Variants in SNTN observed in about 807,000 individuals in gnomAD.
The protein encoded by SNTN is sentan.
In SNTN, 13 loss-of-function variants were observed where a neutral mutation model predicts 12.3. The ratio of observed to expected loss-of-function variants is 1.05; its 90% confidence interval spans 0.69 to 1.67. The LOEUF (loss-of-function observed/expected upper bound fraction) is 1.67. SNTN is among the 40% of genes most tolerant of loss of function. The pLI is 0.00. For synonymous variants in SNTN, 69 were observed against 58.5 expected, an observed-to-expected ratio of 1.18 and a Z score of -0.82; for missense variants, 189 against 169.8, an observed-to-expected ratio of 1.11 and a Z score of -0.63.
intron 3 of SNTN, among the ~76,000 whole-genome samples, chr3:63,663,306 T>A (rs1700761769): frequency 6.6e-6 from 1 of 152,226 alleles, no homozygotes; most frequent in Non-Finnish European, 1.5e-5. Flanking sequence ...AGGATGAGGA[T>A]AATAGTGGTA....
chr3:63,663,913 G>C, intron 3 of SNTN, 24 bp from the exon 4 acceptor site: 1 of 1,606,482 alleles, frequency 6.2e-7, no homozygotes, highest in South Asian at 1.1e-5. Context: ...AACGAATTCG[G>C]TTTTTATTTC....
At chr3:63,654,167 G>C (rs557404393) in intron 1 of SNTN, among the ~76,000 whole-genome samples, 4 of 152,182 alleles carry the variant, frequency 2.6e-5, no homozygotes, top group Non-Finnish European at 5.9e-5. Context: ...AGCCCCAAGA[G>C]GGTAGGAATG....
At position 63,663,992 on chromosome 3, in the gene SNTN, C is replaced by G. The variant is rs746905366; in HGVS notation, c.341C>G (p.Thr114Arg). The change falls in exon 4 of 4, where the codon ACA becomes AGA. Residue 114 changes from threonine (T) to arginine (R), a missense_variant. Transcript: ENST00000343837. ...ATCCTTTCTGAACTTGATGAGCACA[C>G]AGAAAATAAGCTAGATTTTGAAGAC... is the stretch of plus-strand genomic sequence containing the variant. Reference protein sequence around the residue: ...REILSELDEHTENKLDFEDFM... With the variant: ...REILSELDEHRENKLDFEDFM... 4 of 1,613,826 alleles carry G rather than the reference C, an allele frequency of 2.5e-6. 1 individual carries two copies. The South Asian group carries it at 4.4e-5, about 18-fold the overall frequency.
intron 1 of SNTN, 100 bp from the exon 2 acceptor site, chr3:63,654,661 CA>C (rs1700656170): frequency 1.9e-6 from 2 of 1,066,618 alleles, no homozygotes; most frequent in Non-Finnish European, 2.7e-6. Flanking sequence ...GAATGTTTAC[CA>C]AAATAAACAA....
At chr3:63,655,892 G>A (rs1041480520) in intron 2 of SNTN, among the ~76,000 whole-genome samples, 3 of 152,192 alleles carry the variant, frequency 2.0e-5, no homozygotes, top group Admixed American at 2.0e-4. Flanking sequence ...CCAATCTCAT[G>A]AGGATTAGGA....
In SNTN at chr3:63,664,207, G is replaced by T; in HGVS notation, c.*112G>T. 1.9e-6 allele frequency: 2 copies of T among 1,057,720 alleles called. No individual in the cohort carries two copies. Among genetic ancestry groups the T allele is most frequent in the Non-Finnish European group, 2.7e-6 (2 of 750,352 alleles). The allele number at this position is 1,057,720 out of a possible 1,614,324, so 65.5% of individuals were successfully genotyped here. On this transcript the variant is annotated 3_prime_UTR_variant, in exon 4 of 4. Coordinates refer to ENST00000343837, the MANE Select transcript of SNTN (RefSeq NM_001080537.2). ...CTATCATGCATCTGAAATTGCCTAG[G>T]ATGGTTCTGATTGCTGGTATTCAGA... is the stretch of plus-strand genomic sequence containing the variant.
Position 63,664,182 on chromosome 3 carries a change from C to T in SNTN, c.*87C>T. On this transcript the variant is annotated 3_prime_UTR_variant, in exon 4 of 4. Coordinates refer to ENST00000343837, the MANE Select transcript of SNTN (RefSeq NM_001080537.2). ...CTTATTTTTGATTAATTGAATATAT[C>T]TATCATGCATCTGAAATTGCCTAGG... 1.5e-6 allele frequency: 2 copies of T among 1,299,432 alleles called. No homozygotes were observed. Among genetic ancestry groups the T allele is most frequent in the Non-Finnish European group, 2.1e-6 (2 of 960,080 alleles). 80.5% of individuals were successfully genotyped at this position (1,299,432 alleles called of 1,614,324 possible).
At chr3:63,657,394 C>G (rs1700691798) in intron 2 of SNTN, among the ~76,000 whole-genome samples, 1 of 152,136 alleles carries the variant, frequency 6.6e-6, no homozygotes, top group African/African-American at 2.4e-5. Context: ...CTTTCACATA[C>G]TAGTTCCCAA....
rs182863595 is a variant in SNTN, at chr3:63,660,830, A to G, written c.285+966A>G. 3.2e-3 allele frequency among the ~76,000 whole-genome samples: 483 copies of G among 152,314 alleles called. 9 individuals are homozygous for G. The highest frequency in any genetic ancestry group is 0.03 in the Admixed American group (461 of 15,290). On this transcript the variant is annotated intron_variant, in intron 3 of 3. Coordinates refer to ENST00000343837, the MANE Select transcript of SNTN (RefSeq NM_001080537.2). Reference sequence around the variant, plus strand: ...TTAGCAACAGGACAGATGAGTTCAAAGGTGAGAATAGAGATCTGTGTTCAA... The same window carrying G: ...TTAGCAACAGGACAGATGAGTTCAAGGGTGAGAATAGAGATCTGTGTTCAA...
chr3:63,663,644 C>T, intron 3 of SNTN: 2 of 416,832 alleles, frequency 4.8e-6, no homozygotes, highest in South Asian at 2.5e-5. Context: ...AGCCTGGAAC[C>T]CTCCCTCCTC....
intron 2 of SNTN, among the ~76,000 whole-genome samples, chr3:63,656,018 T>C (rs866687857): frequency 2.0e-5 from 3 of 152,348 alleles, no homozygotes; most frequent in Middle Eastern, 3.4e-3. Context: ...ACCTAGTTTT[T>C]AGTTCTGATA....
intron 3 of SNTN, 53 bp from the exon 4 acceptor site, chr3:63,663,884 G>A (rs1161122279): frequency 3.8e-6 from 6 of 1,568,122 alleles, no homozygotes; most frequent in Non-Finnish European, 5.2e-6. Flanking sequence ...TTTATGATCT[G>A]TAAACCTAAA....
chr3:63,663,787 G>A, intron 3 of SNTN, 150 bp from the exon 4 acceptor site: 1 of 979,346 alleles, frequency 1.0e-6, no homozygotes, highest in Non-Finnish European at 1.6e-6. Context: ...CATCAGAATT[G>A]TAAGCCAAAT....
intron 2 of SNTN, among the ~76,000 whole-genome samples, chr3:63,655,080 T>C (rs1700662127): frequency 6.6e-6 from 1 of 152,072 alleles, no homozygotes; most frequent in African/African-American, 2.4e-5. Flanking sequence ...TCCAGTTGCG[T>C]CTCCAAGGGC....
intron 3 of SNTN, among the ~76,000 whole-genome samples, chr3:63,660,774 T>A (rs12496997): frequency 0.17 from 25,914 of 152,038 alleles, 2,266 homozygotes; most frequent in South Asian, 0.2. Context: ...TGTCAGTGTT[T>A]AGATGTCCAT....
rs746905366 is a variant in SNTN, at chr3:63,663,992, C to A, written c.341C>A (p.Thr114Lys). The change falls in exon 4 of 4, where the codon ACA becomes AAA. Residue 114 changes from threonine (T) to lysine (K), a missense_variant. Thr to Lys is a moderately conservative substitution (Grantham distance 78). Transcript: ENST00000343837. ...REILSELDEH[T>K]ENKLDFEDFM... ...ATCCTTTCTGAACTTGATGAGCACA[C>A]AGAAAATAAGCTAGATTTTGAAGAC... is the stretch of plus-strand genomic sequence containing the variant. The A allele has an allele frequency of 2.5e-6, 4 of 1,613,944 alleles. No homozygotes were observed. The South Asian group carries it at 4.4e-5, about 18-fold the overall frequency.
At chr3:63,656,588 C>T (rs534037632) in intron 2 of SNTN, among the ~76,000 whole-genome samples, 1 of 152,190 alleles carries the variant, frequency 6.6e-6, no homozygotes, top group African/African-American at 2.4e-5. Flanking sequence ...TTAAAATTAA[C>T]TTTTACCTGT....
chr3:63,654,707 T>C (rs185085016), intron 1 of SNTN, 55 bp from the exon 2 acceptor site: 222 of 1,496,510 alleles, frequency 1.5e-4, no homozygotes, highest in Non-Finnish European at 2.0e-4. Flanking sequence ...CTATAGATGC[T>C]GATATCAATA....
At chr3:63,652,908 T>G (rs1575748282) in intron 1 of SNTN, 111 bp downstream of exon 1, 3 of 905,922 alleles carry the variant, frequency 3.3e-6, no homozygotes, top group Admixed American at 2.2e-5. Flanking sequence ...GTTTGGTGCC[T>G]ATTACCTACC....
Sources: allele counts gnomAD v4.1 joint callset (sites outside exome capture counted in the v4.1 genomes callset), GRCh38; gene constraint gnomAD v4.1.1; transcripts MANE v1.5; gene names NCBI Gene and HGNC (gene_info 2026-07-23, HGNC 2026-07-21).